GPC6: variants seen among roughly 807,000 people sequenced by gnomAD.
GPC6 encodes glypican-6.
In GPC6, 14 loss-of-function variants were observed where a neutral mutation model predicts 55.2. That is an observed-to-expected ratio of 0.25 (90% confidence interval 0.17 to 0.40). GPC6 has a LOEUF of 0.40. GPC6 is among the 10% of genes least tolerant of loss of function. The pLI is 1.00. For missense variants in GPC6, 641 were observed against 708.5 expected, an observed-to-expected ratio of 0.90 and a Z score of 1.08; for synonymous variants, 278 against 259.6, an observed-to-expected ratio of 1.07 and a Z score of -0.68.
intron 2 of GPC6, among the ~76,000 whole-genome samples, chr13:93,767,453 C>G (rs1738134571): frequency 6.6e-6 from 1 of 152,066 alleles, no homozygotes. Flanking sequence ...TGTCTATTGC[C>G]TCAGAGTAAA....
intron 2 of GPC6, among the ~76,000 whole-genome samples, chr13:93,615,869 T>C (rs1336391772): frequency 1.3e-5 from 2 of 152,100 alleles, no homozygotes; most frequent in Non-Finnish European, 2.9e-5. Context: ...TCTGTTGCAA[T>C]GACTACATGA....
At chr13:93,387,138 T>TC (rs1277325281) in intron 1 of GPC6, among the ~76,000 whole-genome samples, 1 of 151,450 alleles carries the variant, frequency 6.6e-6, no homozygotes, top group Non-Finnish European at 1.5e-5. Flanking sequence ...TCTTTCTTTT[T>TC]TTTTTTTCTT....
At chr13:93,561,404 G>GATATATATATATATATATATATCTAT (rs66957373) in intron 2 of GPC6, among the ~76,000 whole-genome samples, 1 of 104,666 alleles carries the variant, frequency 9.6e-6, no homozygotes, top group Non-Finnish European at 2.0e-5. Context: ...TATCCCTATC[G>GATATATATATATATATATATATCTAT]ATATATATAT....
chr13:93,302,971 A>C (rs546922464), intron 1 of GPC6, among the ~76,000 whole-genome samples: 6 of 152,344 alleles, frequency 3.9e-5, no homozygotes, highest in Non-Finnish European at 7.3e-5. Flanking sequence ...GCCTATATAA[A>C]AGAAAAACAG....
intron 1 of GPC6, among the ~76,000 whole-genome samples, chr13:93,433,810 A>G (rs1317483680): frequency 6.6e-6 from 1 of 152,168 alleles, no homozygotes; most frequent in Non-Finnish European, 1.5e-5. Context: ...TTACCAATAC[A>G]TAGCAGATTA....
At chr13:94,232,867 AT>A (rs1890772714) in intron 4 of GPC6, among the ~76,000 whole-genome samples, 1 of 151,818 alleles carries the variant, frequency 6.6e-6, no homozygotes, top group African/African-American at 2.4e-5. Context: ...GATTGTTACC[AT>A]TTTTGGCCAA....
intron 3 of GPC6, among the ~76,000 whole-genome samples, chr13:93,963,509 C>T (rs1004784849): frequency 2.6e-5 from 4 of 152,108 alleles, no homozygotes; most frequent in South Asian, 2.1e-4. Context: ...CAGATGTTAT[C>T]GATACGTAAC....
the GPC6 span, among the ~76,000 whole-genome samples, chr13:93,217,156 T>C: frequency 6.6e-6 from 1 of 152,216 alleles, no homozygotes; most frequent in Non-Finnish European, 1.5e-5. Flanking sequence ...GTACGTGTGA[T>C]TCATTAAGCT....
intron 3 of GPC6, among the ~76,000 whole-genome samples, chr13:93,844,289 C>T (rs550398235): frequency 1.5e-4 from 23 of 152,228 alleles, no homozygotes; most frequent in Non-Finnish European, 2.9e-4. Context: ...CAGGCATGCA[C>T]CACCATGCCC....
intron 1 of GPC6, among the ~76,000 whole-genome samples, chr13:93,345,501 GA>G (rs906153325): frequency 2.6e-5 from 4 of 151,476 alleles, no homozygotes; most frequent in East Asian, 1.9e-4. Context: ...CTAAATGAAT[GA>G]AAAAAAATTA....
chr13:93,812,154 C>CG (rs1266969571), intron 2 of GPC6, among the ~76,000 whole-genome samples: 141 of 9,982 alleles, frequency 0.014, 1 homozygote, highest in Admixed American at 0.11. Context: ...GGGGGGGGGG[C>CG]GGGGGGTGGG....
intron 4 of GPC6, among the ~76,000 whole-genome samples, chr13:94,114,963 A>C (rs1886383508): frequency 6.6e-6 from 1 of 152,168 alleles, no homozygotes; most frequent in South Asian, 2.1e-4. Context: ...ACCGGCCATG[A>C]GAATCAGTGT....
intron 3 of GPC6, among the ~76,000 whole-genome samples, chr13:93,843,121 CT>C (rs1450191158): frequency 7.2e-6 from 1 of 138,718 alleles, no homozygotes; most frequent in African/African-American, 2.7e-5. Flanking sequence ...TAAAAATTTT[CT>C]TTTACAACCT....
chr13:94,169,041 G>A (rs970873417), intron 4 of GPC6, among the ~76,000 whole-genome samples: 23 of 152,116 alleles, frequency 1.5e-4, no homozygotes, highest in African/African-American at 5.1e-4. Context: ...AGTGGGAGCC[G>A]CTATTAAGGA....
At chr13:93,397,896 G>A (rs953899977) in intron 1 of GPC6, among the ~76,000 whole-genome samples, 6 of 151,942 alleles carry the variant, frequency 3.9e-5, no homozygotes, top group African/African-American at 1.2e-4. Context: ...TATATTCTTA[G>A]CACAAACTGG....
At chr13:93,955,574 G>A (rs983417557) in intron 3 of GPC6, among the ~76,000 whole-genome samples, 2 of 151,928 alleles carry the variant, frequency 1.3e-5, no homozygotes, top group Non-Finnish European at 2.9e-5. Flanking sequence ...ACATTTCTAG[G>A]CAACACTATA....
intron 2 of GPC6, among the ~76,000 whole-genome samples, chr13:93,626,500 C>A (rs1328469213): frequency 6.6e-6 from 1 of 152,058 alleles, no homozygotes; most frequent in East Asian, 1.9e-4. Context: ...TCCATTCTTG[C>A]ACTGCTATAA....
At chr13:93,920,748 T>C (rs751266190) in intron 3 of GPC6, among the ~76,000 whole-genome samples, 1 of 152,152 alleles carries the variant, frequency 6.6e-6, no homozygotes, top group Non-Finnish European at 1.5e-5. Flanking sequence ...TAGTCCCCCA[T>C]GTCAATTTTC....
intron 4 of GPC6, among the ~76,000 whole-genome samples, chr13:94,070,700 G>A (rs1884698914): frequency 6.6e-6 from 1 of 152,154 alleles, no homozygotes; most frequent in South Asian, 2.1e-4. Context: ...TCAACACAAG[G>A]AATAGTTTTC....
Sources: gnomAD v4.1 joint callset for allele counts (sites outside exome capture counted in the v4.1 genomes callset) on GRCh38, gnomAD v4.1.1 for gene constraint, MANE v1.5 for transcripts, NCBI Gene and HGNC (gene_info 2026-07-23, HGNC 2026-07-21) for gene names.